Variants in GLIS3 observed in about 807,000 individuals in gnomAD.
GLIS3 encodes the protein zinc finger protein GLIS3.
A neutral mutation model predicts 78.6 loss-of-function variants in GLIS3; 53 were observed. The ratio of observed to expected loss-of-function variants is 0.67; its 90% CI spans 0.54 to 0.85. The LOEUF (loss-of-function observed/expected upper bound fraction) is 0.85, where lower values mean the gene tolerates loss of function less well. Among genes scored for constraint, GLIS3 ranks in the 40% least tolerant of loss-of-function variants. The pLI is 0.00. For synonymous variants in GLIS3, 684 were observed against 509.9 expected (o/e 1.34, Z -4.60); for missense variants, 1,703 against 1,231.1 (o/e 1.38, Z -5.74).
At chr9:3,847,305 A>G (rs903591989) in intron 9 of GLIS3, among the ~76,000 whole-genome samples, 1 of 152,232 alleles carries the variant, frequency 6.6e-6, no homozygotes, top group Non-Finnish European at 1.5e-5. Context: ...GTAAGTCACA[A>G]TTTTGCCAAG....
the GLIS3 span, among the ~76,000 whole-genome samples, chr9:4,401,670 C>T: frequency 7.2e-5 from 11 of 151,828 alleles, no homozygotes; most frequent in South Asian, 4.2e-4. Flanking sequence ...TGGGTTCAAG[C>T]GATTCTCATG....
rs147658632 is a variant in GLIS3, at chr9:4,275,968, C to G, written c.388+10070G>C. Among the ~76,000 whole-genome samples, 356 of 152,034 alleles carry G rather than the reference C, an allele frequency of 2.3e-3. 1 individual carries two copies. Among genetic ancestry groups the G allele is most frequent in the African/African-American group, 8.3e-3 (346 of 41,494 alleles). On this transcript the variant is annotated intron_variant, in intron 2 of 10. Transcript: ENST00000381971. Reference sequence around the variant, plus strand: ...AGTACTGTACAAGTCCAAGGCTGTTCCCCTTTAACCACCTTAGAAAATGCT... The same window carrying G: ...AGTACTGTACAAGTCCAAGGCTGTTGCCCTTTAACCACCTTAGAAAATGCT...
chr9:3,984,509 A>T (rs1819568182), intron 4 of GLIS3, among the ~76,000 whole-genome samples: 1 of 152,130 alleles, frequency 6.6e-6, no homozygotes, highest in Non-Finnish European at 1.5e-5. Flanking sequence ...GTATTTACCC[A>T]ATGCCTGTAC....
At chr9:4,002,313 G>T (rs1821176319) in intron 4 of GLIS3, among the ~76,000 whole-genome samples, 1 of 152,110 alleles carries the variant, frequency 6.6e-6, no homozygotes, top group Admixed American at 6.6e-5. Flanking sequence ...CTTTCATCCA[G>T]TAAGTCCAGT....
At chr9:4,122,245 T>C (rs1303778547) in intron 3 of GLIS3, among the ~76,000 whole-genome samples, 4 of 152,290 alleles carry the variant, frequency 2.6e-5, no homozygotes, top group African/African-American at 9.6e-5. Flanking sequence ...ATACATCACA[T>C]GGAGAATTCC....
the GLIS3 span, among the ~76,000 whole-genome samples, chr9:4,473,765 G>T: frequency 6.6e-6 from 1 of 151,880 alleles, no homozygotes; most frequent in Non-Finnish European, 1.5e-5. Flanking sequence ...ACCTGCACAT[G>T]CACCCCTAAA....
intron 2 of GLIS3, among the ~76,000 whole-genome samples, chr9:4,226,016 A>T (rs1218381381): frequency 6.6e-6 from 1 of 152,240 alleles, no homozygotes; most frequent in Non-Finnish European, 1.5e-5. Flanking sequence ...TTGCCATGTA[A>T]TATGTGGGTA....
At chr9:3,885,862 A>G (rs572755474) in intron 7 of GLIS3, among the ~76,000 whole-genome samples, 1 of 152,222 alleles carries the variant, frequency 6.6e-6, no homozygotes, top group African/African-American at 2.4e-5. Context: ...AGCATACACA[A>G]TGTGAGACAG....
chr9:3,947,776 A>C (rs113414353), intron 4 of GLIS3, among the ~76,000 whole-genome samples: 3,344 of 152,320 alleles, frequency 0.022, 41 homozygotes, highest in Non-Finnish European at 0.036. Context: ...GGGATTAAAA[A>C]ATTATATCTT....
At chr9:4,302,293 G>C (rs751750126), upstream of GLIS3, among the ~76,000 whole-genome samples, 2 of 152,206 alleles carry the variant, frequency 1.3e-5, no homozygotes, top group Non-Finnish European at 2.9e-5. Flanking sequence ...AGCCCAGTCA[G>C]TATCTTCCCT....
At chr9:4,129,917 C>G (rs1770394) in intron 2 of GLIS3, among the ~76,000 whole-genome samples, 1 of 151,976 alleles carries the variant, frequency 6.6e-6, no homozygotes, top group African/African-American at 2.4e-5. Flanking sequence ...AAAATGCTGA[C>G]AGTGATATGG....
intron 4 of GLIS3, among the ~76,000 whole-genome samples, chr9:4,053,357 C>T (rs1825876837): frequency 6.6e-6 from 1 of 152,142 alleles, no homozygotes; most frequent in Non-Finnish European, 1.5e-5. Flanking sequence ...CCTCCTGAGA[C>T]AGAACCTTTT....
At chr9:3,935,078 C>T (rs1167369496) in intron 5 of GLIS3, among the ~76,000 whole-genome samples, 1 of 152,108 alleles carries the variant, frequency 6.6e-6, no homozygotes, top group Non-Finnish European at 1.5e-5. Flanking sequence ...AAGGAATCCA[C>T]TTAGTTGAAG....
At chr9:4,191,563 T>C (rs1818334296) in intron 2 of GLIS3, among the ~76,000 whole-genome samples, 1 of 152,242 alleles carries the variant, frequency 6.6e-6, no homozygotes, top group South Asian at 2.1e-4. Flanking sequence ...CTGAATACCA[T>C]GTCTTATTCT....
chr9:4,185,769 T>C (rs1313273176), intron 2 of GLIS3, among the ~76,000 whole-genome samples: 1 of 152,172 alleles, frequency 6.6e-6, no homozygotes, highest in Non-Finnish European at 1.5e-5. Context: ...GACAAAGCTA[T>C]AGGAATGAAT....
intron 4 of GLIS3, among the ~76,000 whole-genome samples, chr9:4,050,897 T>C (rs911190148): frequency 8.5e-5 from 13 of 152,330 alleles, no homozygotes; most frequent in African/African-American, 3.1e-4. Flanking sequence ...GGTGAAATCC[T>C]AAACCTGATA....
At chr9:4,411,235 T>G in the GLIS3 span, among the ~76,000 whole-genome samples, 1 of 152,186 alleles carries the variant, frequency 6.6e-6, no homozygotes, top group Non-Finnish European at 1.5e-5. Context: ...CTGTGAAACC[T>G]TCACTCCTAC....
the GLIS3 span, among the ~76,000 whole-genome samples, chr9:4,480,336 C>G: frequency 6.6e-6 from 1 of 151,812 alleles, no homozygotes; most frequent in Admixed American, 6.6e-5. Context: ...TCCCAAGCAG[C>G]TGGGCCTACA....
chr9:3,935,850 A>G (rs951203863), intron 5 of GLIS3, among the ~76,000 whole-genome samples: 20 of 152,190 alleles, frequency 1.3e-4, no homozygotes, highest in African/African-American at 3.1e-4. Context: ...TCCTACACCC[A>G]TGTTGCTCTA....
Sources: gnomAD v4.1 joint callset for allele counts (sites outside exome capture counted in the v4.1 genomes callset) on GRCh38, gnomAD v4.1.1 for gene constraint, MANE v1.5 for transcripts, NCBI Gene and HGNC (gene_info 2026-07-23, HGNC 2026-07-21) for gene names.